ROCK1: variants seen among roughly 807,000 people sequenced by gnomAD.
The protein encoded by ROCK1 is rho-associated protein kinase 1.
Under a neutral mutation model 196.8 loss-of-function variants are expected in ROCK1, and 36 were observed. The ratio of observed to expected loss-of-function variants is 0.18; its 90% CI spans 0.14 to 0.24. The LOEUF (loss-of-function observed/expected upper bound fraction) is 0.24, where lower values mean the gene tolerates loss of function less well. Among genes scored for constraint, ROCK1 ranks in the 10% least tolerant of loss-of-function variants. The pLI is 1.00. For synonymous variants in ROCK1, 443 were observed against 515.9 expected, an observed-to-expected ratio of 0.86 and a Z score of 1.91; for missense variants, 920 against 1,562.0, an observed-to-expected ratio of 0.59 and a Z score of 6.93.
At chr18:21,005,884 C>T (rs1174298134) in intron 16 of ROCK1, among the ~76,000 whole-genome samples, 2 of 151,910 alleles carry the variant, frequency 1.3e-5, no homozygotes, top group African/African-American at 2.4e-5. Context: ...CTCAAAAAAA[C>T]GTAAACAATA....
rs1422082828 is a variant in ROCK1, at chr18:20,959,058, TATATTTTATA to T, written c.3512+772_3512+781del. 1.2e-3 allele frequency among the ~76,000 whole-genome samples: 60 copies of T among 48,518 alleles called. No homozygotes were observed. The African/African-American group carries it at 0.015, about 12-fold the overall frequency. 31.8% of individuals were successfully genotyped at this position (48,518 alleles called of 152,430 possible). On this transcript the variant is annotated intron_variant, in intron 29 of 32. Coordinates refer to ENST00000399799, the MANE Select transcript of ROCK1 (RefSeq NM_005406.3). ...TTTATATAATATATAATATATATATTATATTTTATATTATATAATATATATATTTTATATA... is the reference window on the plus strand; with the variant it reads ...TTTATATAATATATAATATATATATTTTATATAATATATATATTTTATATA...
At position 20,955,153 on chromosome 18, in the gene ROCK1, C is replaced by A; in HGVS notation, c.3591+14G>T. 1 of 1,535,250 alleles carries A rather than the reference C, an allele frequency of 6.5e-7. No individual in the cohort carries two copies. The highest frequency in any genetic ancestry group is 8.8e-7 in the Non-Finnish European group (1 of 1,142,466). On this transcript the variant is annotated intron_variant, in intron 30 of 32. Coordinates refer to ENST00000399799, the MANE Select transcript of ROCK1 (RefSeq NM_005406.3). The stretch of plus-strand genomic sequence containing the variant: ...GGACTTAGATTCTTTAAAATTATAA[C>A]TTCAGATTTTTACCTGGAATATTTT...
chr18:20,959,494 G>A (rs1038988068), intron 29 of ROCK1, among the ~76,000 whole-genome samples: 1 of 151,328 alleles, frequency 6.6e-6, no homozygotes, highest in African/African-American at 2.4e-5. Flanking sequence ...TTACAGGTGT[G>A]AGTCACCGCA....
chr18:20,980,215 C>T (rs780456551), intron 21 of ROCK1, among the ~76,000 whole-genome samples: 5 of 151,670 alleles, frequency 3.3e-5, no homozygotes, highest in Non-Finnish European at 7.4e-5. Context: ...TGGAAATGAC[C>T]CAGACATCCA....
At chr18:21,007,824 T>C (rs2035781411) in intron 14 of ROCK1, among the ~76,000 whole-genome samples, 1 of 152,166 alleles carries the variant, frequency 6.6e-6, no homozygotes, top group Non-Finnish European at 1.5e-5. Context: ...ATGCACACCA[T>C]GATGACAATC....
intron 5 of ROCK1, chr18:21,045,085 T>A: frequency 3.5e-6 from 1 of 286,820 alleles, no homozygotes; most frequent in Non-Finnish European, 6.5e-6. Context: ...GGTGTCAAAC[T>A]CCTGAGCTCA....
At chr18:21,055,313 T>C (rs1048770867) in intron 2 of ROCK1, among the ~76,000 whole-genome samples, 1 of 152,106 alleles carries the variant, frequency 6.6e-6, no homozygotes, top group African/African-American at 2.4e-5. Context: ...AAATTTCTAG[T>C]CACTCTCCCA....
chr18:21,042,306 T>A, intron 7 of ROCK1, 71 bp from the exon 8 acceptor site: 1 of 1,350,478 alleles, frequency 7.4e-7, no homozygotes, highest in Non-Finnish European at 1.0e-6. Context: ...AAAGGAAGAG[T>A]CAAAGTTACC....
intron 1 of ROCK1, among the ~76,000 whole-genome samples, chr18:21,109,973 A>T (rs2036735859): frequency 6.6e-6 from 1 of 152,136 alleles, no homozygotes; most frequent in Non-Finnish European, 1.5e-5. Flanking sequence ...AATATTATAT[A>T]ACCCTTAGTT....
intron 12 of ROCK1, among the ~76,000 whole-genome samples, chr18:21,016,047 G>A (rs1026348132): frequency 6.6e-6 from 1 of 151,668 alleles, no homozygotes; most frequent in African/African-American, 2.4e-5. Flanking sequence ...GTGTAATTCA[G>A]TAGTATATAT....
At chr18:21,018,078 T>C (rs1200220222) in intron 12 of ROCK1, among the ~76,000 whole-genome samples, 2 of 152,134 alleles carry the variant, frequency 1.3e-5, no homozygotes. Context: ...TATTTACCAA[T>C]TCAATATATA....
chr18:20,979,903 G>C lies in ROCK1; in HGVS notation c.2654+7C>G. 2 of 1,527,346 alleles carry C rather than the reference G, an allele frequency of 1.3e-6. No individual in the cohort carries two copies. Among genetic ancestry groups the C allele is most frequent in the Non-Finnish European group, 8.8e-7 (1 of 1,136,268 alleles). The allele number at this position is 1,527,346 out of a possible 1,614,324, so 94.6% of individuals were successfully genotyped here. A position where few individuals can be genotyped will look rare whatever the true frequency, so the allele number is the denominator to read the frequency against. ...CTGATTCTTGTTCTAAAGTAAAATG[G>C]ACATACTTTTCATTTTGTAGTTCCT... On this transcript the variant is annotated splice_region_variant and intron_variant, in intron 22 of 32. Transcript: ENST00000399799.
At chr18:21,084,993 C>T (rs1270676196) in intron 1 of ROCK1, among the ~76,000 whole-genome samples, 1 of 151,644 alleles carries the variant, frequency 6.6e-6, no homozygotes, top group Non-Finnish European at 1.5e-5. Context: ...ATAAGCCAGA[C>T]AAAAAAGGAA....
intron 9 of ROCK1, among the ~76,000 whole-genome samples, chr18:21,034,656 C>G (rs2036041408): frequency 6.6e-6 from 1 of 152,064 alleles, no homozygotes; most frequent in Admixed American, 6.6e-5. Context: ...CACAATGGGT[C>G]AAAGACCTAA....
At chr18:20,975,956 T>C (rs2143375954) in intron 22 of ROCK1, among the ~76,000 whole-genome samples, 1 of 152,312 alleles carries the variant, frequency 6.6e-6, no homozygotes, top group South Asian at 2.1e-4. Context: ...AAATATTCTC[T>C]TACCCCAGCT....
At chr18:21,009,166 CTTTTTTT>C (rs59587626) in intron 13 of ROCK1, among the ~76,000 whole-genome samples, 3 of 122,058 alleles carry the variant, frequency 2.5e-5, no homozygotes, top group African/African-American at 9.1e-5. Flanking sequence ...TTGAGACAGG[CTTTTTTT>C]TTTTTTTTTT....
At chr18:21,090,653 A>G (rs1308399873) in intron 1 of ROCK1, among the ~76,000 whole-genome samples, 1 of 152,228 alleles carries the variant, frequency 6.6e-6, no homozygotes, top group African/African-American at 2.4e-5. Context: ...ATTATATCCT[A>G]TTCCCTAACA....
At chr18:21,011,004 T>C (rs1007184357) in intron 13 of ROCK1, among the ~76,000 whole-genome samples, 2 of 152,216 alleles carry the variant, frequency 1.3e-5, no homozygotes, top group African/African-American at 4.8e-5. Flanking sequence ...TGCTGCTTTC[T>C]TTTTAATATT....
At chr18:21,083,763 T>C (rs2036502232) in intron 1 of ROCK1, among the ~76,000 whole-genome samples, 1 of 152,242 alleles carries the variant, frequency 6.6e-6, no homozygotes, top group Non-Finnish European at 1.5e-5. Context: ...ACAAAATACG[T>C]GTTGTTAATC....
Sources: allele counts gnomAD v4.1 joint callset (sites outside exome capture counted in the v4.1 genomes callset), GRCh38; gene constraint gnomAD v4.1.1; transcripts MANE v1.5; gene names NCBI Gene and HGNC (gene_info 2026-07-23, HGNC 2026-07-21).